The following SP140 variants were observed in gnomAD, a reference collection of about 807,000 sequenced individuals.
SP140 encodes nuclear body protein SP140.
Under a neutral mutation model 125.0 loss-of-function variants are expected in SP140, and 81 were observed. The ratio of observed to expected loss-of-function variants is 0.65; its 90% CI spans 0.54 to 0.78. SP140 has a LOEUF of 0.78. SP140 is among the 30% of genes least tolerant of loss of function. SP140 has a pLI of 0.00. For synonymous variants in SP140, 312 were observed against 354.0 expected (o/e 0.88, Z 1.33); for missense variants, 858 against 1,037.0 (o/e 0.83, Z 2.37).
chr2:230,268,246 G>A (rs1314805130), intron 12 of SP140, among the ~76,000 whole-genome samples: 4 of 152,078 alleles, frequency 2.6e-5, no homozygotes, highest in South Asian at 2.1e-4. Flanking sequence ...AGAAGAGGCC[G>A]GGTGTGGTGG....
Position 230,258,006 on chromosome 2 carries a change from G to C in SP140, c.1240+2474G>C, listed in dbSNP as rs1046990227. On this transcript the variant is annotated intron_variant, in intron 12 of 26. Transcript: ENST00000392045. ...GTTACTGACTGTCTGACTTTCAGAA[G>C]CATGGGGAAGTCAATGGTTGGCTGG... 3.5e-4 allele frequency among the ~76,000 whole-genome samples: 54 copies of C among 152,160 alleles called. 1 individual carries two copies. Among genetic ancestry groups the C allele is most frequent in the African/African-American group, 1.3e-3 (52 of 41,506 alleles).
chr2:230,288,037 C>G, intron 18 of SP140, 71 bp downstream of exon 18: 1 of 1,243,912 alleles, frequency 8.0e-7, no homozygotes, highest in East Asian at 2.5e-5. Flanking sequence ...ACTGTACTTT[C>G]AGTAATAAAC....
chr2:230,231,473 G>A (rs904055483), intron 1 of SP140, among the ~76,000 whole-genome samples: 4 of 152,150 alleles, frequency 2.6e-5, no homozygotes, highest in Non-Finnish European at 2.9e-5. Flanking sequence ...TTCCTCTAGC[G>A]TTCTTGTTTT....
chr2:230,295,740 C>T (rs981938109), intron 21 of SP140, among the ~76,000 whole-genome samples: 2 of 152,170 alleles, frequency 1.3e-5, no homozygotes, highest in Non-Finnish European at 2.9e-5. Context: ...CTGCTCATGA[C>T]AAGGGCCACA....
At chr2:230,231,617 A>G (rs564331135) in intron 1 of SP140, among the ~76,000 whole-genome samples, 1 of 151,986 alleles carries the variant, frequency 6.6e-6, no homozygotes, top group Non-Finnish European at 1.5e-5. Flanking sequence ...TCAGAGGGGG[A>G]AGTGGTCTAT....
chr2:230,241,973 A>AG (rs2048790433), intron 4 of SP140, among the ~76,000 whole-genome samples: 2 of 152,132 alleles, frequency 1.3e-5, no homozygotes, highest in South Asian at 4.1e-4. Flanking sequence ...GGGAGTTTGG[A>AG]TATGGAGAGA....
chr2:230,297,100 A>G (rs2057806559), intron 21 of SP140, among the ~76,000 whole-genome samples: 1 of 152,250 alleles, frequency 6.6e-6, no homozygotes, highest in Non-Finnish European at 1.5e-5. Context: ...AGCAGCCCAG[A>G]CAGTGAGGCC....
chr2:230,250,964 T>G lies in SP140; in HGVS notation c.977-17T>G. On this transcript the variant is annotated splice_polypyrimidine_tract_variant and intron_variant, in intron 9 of 26. Coordinates refer to ENST00000392045, the MANE Select transcript of SP140 (RefSeq NM_007237.5). ...TTCTCTTCATAATTTCTTGAGGGAT[T>G]TCTTTTCTTTCTGCAGAGGGCAGTG... 6.2e-7 allele frequency: 1 copy of G among 1,612,978 alleles called. No individual in the cohort carries two copies. Among genetic ancestry groups the G allele is most frequent in the Non-Finnish European group, 8.5e-7 (1 of 1,179,190 alleles).
the SP140 span, among the ~76,000 whole-genome samples, chr2:230,190,372 T>C: frequency 6.6e-6 from 1 of 152,224 alleles, no homozygotes; most frequent in Non-Finnish European, 1.5e-5. Flanking sequence ...AAGTGTCTGT[T>C]CATATCCTTT....
chr2:230,283,157 C>T (rs372968916), intron 15 of SP140, among the ~76,000 whole-genome samples: 11 of 152,250 alleles, frequency 7.2e-5, no homozygotes, highest in Middle Eastern at 3.4e-3. Flanking sequence ...TTCTCAGAGG[C>T]GGGAGCGCTG....
intron 22 of SP140, 58 bp downstream of exon 22, chr2:230,297,520 A>G: frequency 6.3e-7 from 1 of 1,585,092 alleles, no homozygotes; most frequent in South Asian, 1.1e-5. Context: ...CTCCAGGCAT[A>G]TGTTCTGTGT....
intron 10 of SP140, 60 bp from the exon 11 acceptor site, chr2:230,253,256 A>C: frequency 5.2e-5 from 65 of 1,244,910 alleles, no homozygotes; most frequent in Non-Finnish European, 6.7e-5. Flanking sequence ...GCATTTTCCC[A>C]TCTTGGATGG....
chr2:230,283,336 G>C (rs1369691820), intron 15 of SP140, among the ~76,000 whole-genome samples: 1 of 152,096 alleles, frequency 6.6e-6, no homozygotes, highest in African/African-American at 2.4e-5. Flanking sequence ...TTCATCTTTT[G>C]CCCTAATTAT....
chr2:230,266,256 T>C (rs1443456330), intron 12 of SP140, among the ~76,000 whole-genome samples: 2 of 152,214 alleles, frequency 1.3e-5, no homozygotes, highest in Non-Finnish European at 2.9e-5. Context: ...GTTTTTGTTT[T>C]GTTTCATTTT....
At chr2:230,249,798 A>G (rs2050075958) in intron 9 of SP140, among the ~76,000 whole-genome samples, 1 of 152,210 alleles carries the variant, frequency 6.6e-6, no homozygotes. Context: ...AGCTGAAGTC[A>G]GTCACTAGAT....
chr2:230,234,904 T>C (rs1438901060), intron 1 of SP140: 1 of 152,230 alleles, frequency 6.6e-6, no homozygotes, highest in Non-Finnish European at 1.5e-5. Flanking sequence ...TTTTTGCCTT[T>C]TGCTTATCTT....
chr2:230,230,259 T>C (rs1397085945), intron 1 of SP140, among the ~76,000 whole-genome samples: 2 of 152,192 alleles, frequency 1.3e-5, no homozygotes, highest in Non-Finnish European at 2.9e-5. Flanking sequence ...GGGTTGAAGC[T>C]GTGTTCTTGT....
intron 4 of SP140, among the ~76,000 whole-genome samples, chr2:230,243,177 A>G (rs2048952975): frequency 6.6e-6 from 1 of 152,098 alleles, no homozygotes; most frequent in South Asian, 2.1e-4. Flanking sequence ...GCCTTTCCCT[A>G]TGTTTTCTCT....
intron 15 of SP140, among the ~76,000 whole-genome samples, chr2:230,274,092 T>C (rs2054348065): frequency 6.7e-6 from 1 of 148,622 alleles, no homozygotes; most frequent in Non-Finnish European, 1.5e-5. Flanking sequence ...CCTGCACATA[T>C]ATCCTTGAAC....
Sources: allele counts gnomAD v4.1 joint callset (sites outside exome capture counted in the v4.1 genomes callset), GRCh38; gene constraint gnomAD v4.1.1; transcripts MANE v1.5; gene names NCBI Gene and HGNC (gene_info 2026-07-23, HGNC 2026-07-21).